Variants in NEGR1 observed in about 807,000 individuals in gnomAD.
The protein encoded by NEGR1 is neuronal growth regulator 1.
A neutral mutation model predicts 40.9 loss-of-function variants in NEGR1; 10 were observed. The observed-to-expected ratio is 0.24, with a 90% CI of 0.15 to 0.42. NEGR1 has a LOEUF of 0.42. NEGR1 is among the 10% of genes least tolerant of loss of function. The pLI, the probability that NEGR1 is intolerant of heterozygous loss-of-function variation, is 1.00. For synonymous variants in NEGR1, 185 were observed against 166.8 expected, an observed-to-expected ratio of 1.11 and a Z score of -0.84; for missense variants, 352 against 438.9, an observed-to-expected ratio of 0.80 and a Z score of 1.77.
chr1:71,770,805 T>C (rs1656291220), intron 3 of NEGR1, among the ~76,000 whole-genome samples: 2 of 152,196 alleles, frequency 1.3e-5, no homozygotes, highest in Non-Finnish European at 2.9e-5. Flanking sequence ...AAACAACAAA[T>C]GCTGGAGAGG....
At chr1:71,918,097 G>C (rs1661649393) in intron 2 of NEGR1, among the ~76,000 whole-genome samples, 1 of 149,416 alleles carries the variant, frequency 6.7e-6, no homozygotes, top group Admixed American at 6.7e-5. Context: ...GGTGCCTGTA[G>C]TCCCAGCTAC....
At chr1:72,002,722 C>T (rs922847254) in intron 1 of NEGR1, among the ~76,000 whole-genome samples, 1 of 152,108 alleles carries the variant, frequency 6.6e-6, no homozygotes, top group South Asian at 2.1e-4. Context: ...AATAATGTCA[C>T]ATCAATTGTT....
At chr1:72,157,741 C>T (rs543275951) in intron 1 of NEGR1, among the ~76,000 whole-genome samples, 1 of 152,252 alleles carries the variant, frequency 6.6e-6, no homozygotes, top group Non-Finnish European at 1.5e-5. Flanking sequence ...CAAGGCAATA[C>T]CACTTCATCA....
At chr1:72,173,244 G>A (rs1652028752) in intron 1 of NEGR1, among the ~76,000 whole-genome samples, 1 of 150,676 alleles carries the variant, frequency 6.6e-6, no homozygotes, top group African/African-American at 2.4e-5. Flanking sequence ...CTGAGTTCAA[G>A]CAATCTGCTA....
intron 1 of NEGR1, among the ~76,000 whole-genome samples, chr1:72,136,328 A>T (rs768626970): frequency 1.8e-4 from 27 of 152,098 alleles, no homozygotes; most frequent in Non-Finnish European, 3.5e-4. Context: ...ACAAAATAAG[A>T]TTAGCAGTCG....
intron 1 of NEGR1, among the ~76,000 whole-genome samples, chr1:72,118,091 T>G (rs1049269577): frequency 1.3e-5 from 2 of 151,840 alleles, no homozygotes; most frequent in African/African-American, 4.8e-5. Flanking sequence ...GGACAAGAGA[T>G]TATTCTTATG....
At chr1:72,064,914 C>T (rs1308066808) in intron 1 of NEGR1, among the ~76,000 whole-genome samples, 1 of 152,008 alleles carries the variant, frequency 6.6e-6, no homozygotes, top group African/African-American at 2.4e-5. Context: ...AGGGTCATGA[C>T]ATTTAGTTGC....
chr1:71,940,294 T>TA (rs1350039217), intron 1 of NEGR1, among the ~76,000 whole-genome samples: 1 of 152,180 alleles, frequency 6.6e-6, no homozygotes, highest in Non-Finnish European at 1.5e-5. Context: ...CTTTCCTTGA[T>TA]AGTGGTTTTT....
At chr1:71,837,716 C>G (rs557392102) in intron 2 of NEGR1, among the ~76,000 whole-genome samples, 2 of 152,160 alleles carry the variant, frequency 1.3e-5, no homozygotes, top group Admixed American at 1.3e-4. Flanking sequence ...AGCAATCCCA[C>G]CTCCCAAACC....
intron 1 of NEGR1, among the ~76,000 whole-genome samples, chr1:72,035,195 G>T (rs1435001695): frequency 6.6e-6 from 1 of 152,104 alleles, no homozygotes; most frequent in Non-Finnish European, 1.5e-5. Flanking sequence ...ATTGCATTCT[G>T]CCGCAAACCG....
chr1:71,885,688 C>T (rs1223559006), intron 2 of NEGR1, among the ~76,000 whole-genome samples: 1 of 152,064 alleles, frequency 6.6e-6, no homozygotes, highest in Admixed American at 6.6e-5. Context: ...TGCACAGAAA[C>T]ATTAGAGAAT....
intron 1 of NEGR1, among the ~76,000 whole-genome samples, chr1:72,061,697 C>A (rs999235426): frequency 4.0e-5 from 6 of 151,754 alleles, no homozygotes; most frequent in African/African-American, 1.5e-4. Flanking sequence ...AAAAAATATT[C>A]TCACAGAAAT....
intron 1 of NEGR1, among the ~76,000 whole-genome samples, chr1:72,081,913 C>A (rs186422875): frequency 3.9e-5 from 6 of 151,956 alleles, no homozygotes; most frequent in Admixed American, 6.6e-5. Context: ...AACTTTAATG[C>A]GAATGACTGT....
At chr1:71,434,797 A>G (rs1646495258) in intron 6 of NEGR1, among the ~76,000 whole-genome samples, 1 of 152,228 alleles carries the variant, frequency 6.6e-6, no homozygotes, top group African/African-American at 2.4e-5. Context: ...TATAGTTAAA[A>G]AAACAAGGGG....
intron 1 of NEGR1, among the ~76,000 whole-genome samples, chr1:72,236,835 T>C (rs1255284793): frequency 6.6e-6 from 1 of 151,984 alleles, no homozygotes; most frequent in African/African-American, 2.4e-5. Context: ...TCTATAGAGA[T>C]TTCTGTTAGG....
chr1:71,481,272 A>G (rs1017905073), intron 6 of NEGR1, among the ~76,000 whole-genome samples: 2 of 151,748 alleles, frequency 1.3e-5, no homozygotes, highest in Non-Finnish European at 2.9e-5. Context: ...GTGCTCACCT[A>G]TTTGAAGGAA....
chr1:71,419,698 C>T (rs1358130574), intron 6 of NEGR1, among the ~76,000 whole-genome samples: 1 of 152,022 alleles, frequency 6.6e-6, no homozygotes, highest in Non-Finnish European at 1.5e-5. Context: ...ACTCACGGTT[C>T]TTATTTTTTA....
intron 1 of NEGR1, among the ~76,000 whole-genome samples, chr1:72,020,190 A>T (rs1273156425): frequency 2.0e-5 from 3 of 152,204 alleles, no homozygotes. Context: ...GTTAGCGAGC[A>T]GGAAATTAAG....
chr1:71,797,045 A>G (rs1657356893), intron 2 of NEGR1, among the ~76,000 whole-genome samples: 1 of 152,162 alleles, frequency 6.6e-6, no homozygotes, highest in African/African-American at 2.4e-5. Flanking sequence ...ATTAAAGAGG[A>G]GAAGGACTTC....
Sources: allele counts gnomAD v4.1 joint callset (sites outside exome capture counted in the v4.1 genomes callset), GRCh38; gene constraint gnomAD v4.1.1; transcripts MANE v1.5; gene names NCBI Gene and HGNC (gene_info 2026-07-23, HGNC 2026-07-21).